The following PDE5A variants were observed in gnomAD, a reference collection of about 807,000 sequenced individuals.
PDE5A encodes cGMP-specific 3',5'-cyclic phosphodiesterase.
A neutral mutation model predicts 110.2 loss-of-function variants in PDE5A; 67 were observed. The ratio of observed to expected loss-of-function variants is 0.61; its 90% CI spans 0.50 to 0.75. The LOEUF (loss-of-function observed/expected upper bound fraction) is 0.75. Among genes scored for constraint, PDE5A ranks in the 30% least tolerant of loss-of-function variants. The pLI, the probability that PDE5A is intolerant of heterozygous loss-of-function variation, is 0.00. For synonymous variants in PDE5A, 328 were observed against 351.2 expected (o/e 0.93, Z 0.74); for missense variants, 862 against 1,045.1 (o/e 0.82, Z 2.42).
intron 15 of PDE5A, among the ~76,000 whole-genome samples, chr4:119,510,166 G>A (rs1560595954): frequency 6.6e-6 from 1 of 151,912 alleles, no homozygotes; most frequent in African/African-American, 2.4e-5. Context: ...CTGCTACCCA[G>A]GAGTACACAT....
At chr4:119,576,671 G>C (rs1728362801) in intron 3 of PDE5A, among the ~76,000 whole-genome samples, 1 of 152,022 alleles carries the variant, frequency 6.6e-6, no homozygotes, top group African/African-American at 2.4e-5. Flanking sequence ...CAGAATCTCT[G>C]GGACACATTC....
chr4:119,607,669 C>T (rs1156804050), intron 1 of PDE5A, among the ~76,000 whole-genome samples: 2 of 151,826 alleles, frequency 1.3e-5, no homozygotes, highest in Admixed American at 6.6e-5. Context: ...CCCAGGAGTT[C>T]GAGGCTGTAG....
intron 18 of PDE5A, among the ~76,000 whole-genome samples, chr4:119,503,009 A>G (rs188472631): frequency 2.0e-5 from 3 of 152,258 alleles, no homozygotes; most frequent in African/African-American, 7.2e-5. Flanking sequence ...TCCCTCTTCT[A>G]TTCTCTTACC....
intron 13 of PDE5A, among the ~76,000 whole-genome samples, chr4:119,520,565 G>A (rs1029993760): frequency 2.0e-5 from 3 of 152,072 alleles, no homozygotes; most frequent in Non-Finnish European, 4.4e-5. Context: ...TGGTTTTTGA[G>A]GAATTCTACT....
chr4:119,586,418 TAAC>T (rs1232194300), intron 3 of PDE5A, among the ~76,000 whole-genome samples: 4 of 152,292 alleles, frequency 2.6e-5, no homozygotes, highest in Admixed American at 2.6e-4. Context: ...GATAAGCATT[TAAC>T]AACAAGGAAT....
chr4:119,606,853 A>G lies in PDE5A; in HGVS notation c.597T>C (p.Phe199=), dbSNP rs201406102. 1.7e-5 allele frequency: 27 copies of G among 1,614,136 alleles called. No individual in the cohort carries two copies. Among genetic ancestry groups the G allele is most frequent in the Non-Finnish European group, 2.2e-5 (26 of 1,180,058 alleles). The change falls in exon 2 of 21, where the codon TTT becomes TTC. Residue 199 remains phenylalanine (F), a synonymous_variant. Coordinates refer to ENST00000354960, the MANE Select transcript of PDE5A (RefSeq NM_001083.4). ...LVCEDSSNDK[F]LISRLFDVAE... Reference sequence around the variant, plus strand: ...CAACATCAAAGAGGCGGCTGATAAGAAACTTGTCATTGGAGCTGTCTTCAC... The same window carrying G: ...CAACATCAAAGAGGCGGCTGATAAGGAACTTGTCATTGGAGCTGTCTTCAC...
chr4:119,530,839 C>T (rs1009535101), intron 11 of PDE5A, among the ~76,000 whole-genome samples: 4 of 151,942 alleles, frequency 2.6e-5, no homozygotes, highest in African/African-American at 7.2e-5. Flanking sequence ...TATACTATGG[C>T]GGAAACAACC....
chr4:119,596,497 T>C, intron 3 of PDE5A, 26 bp downstream of exon 3: 4 of 1,322,956 alleles, frequency 3.0e-6, no homozygotes, highest in East Asian at 2.4e-5. Context: ...TCCAATGACC[T>C]TTTATAAAAT....
chr4:119,542,786 T>C, intron 9 of PDE5A, 152 bp from the exon 10 acceptor site: 1 of 657,282 alleles, frequency 1.5e-6, no homozygotes, highest in African/African-American at 1.8e-5. Flanking sequence ...AAATATAAGC[T>C]AGAGAAGTAA....
At chr4:119,595,472 A>G (rs1379097078) in intron 3 of PDE5A, among the ~76,000 whole-genome samples, 1 of 152,182 alleles carries the variant, frequency 6.6e-6, no homozygotes, top group Admixed American at 6.5e-5. Context: ...TTGAATCAGT[A>G]GACTGAGTGA....
Position 119,498,443 on chromosome 4 carries a change from C to T in PDE5A, c.*158G>A. ...AAAATATGTAATAGTCCTCTAAAAA[C>T]ATTCATGCTATACTCTCAAAAGTTG... On this transcript the variant is annotated 3_prime_UTR_variant, in exon 21 of 21. Transcript: ENST00000354960. 1.4e-6 allele frequency: 1 copy of T among 698,548 alleles called. No homozygotes were observed. Among genetic ancestry groups the T allele is most frequent in the Non-Finnish European group, 2.3e-6 (1 of 427,836 alleles). 43.3% of individuals were successfully genotyped at this position (698,548 alleles called of 1,614,324 possible). A position where few individuals can be genotyped will look rare whatever the true frequency, so the allele number is the denominator to read the frequency against.
At chr4:119,574,246 G>A (rs946604018) in intron 3 of PDE5A, among the ~76,000 whole-genome samples, 6 of 131,302 alleles carry the variant, frequency 4.6e-5, no homozygotes, top group Non-Finnish European at 6.2e-5. Flanking sequence ...GTAATGATGC[G>A]CTCTCGGCTC....
chr4:119,531,410 C>G (rs1726535859), intron 11 of PDE5A, among the ~76,000 whole-genome samples: 1 of 152,124 alleles, frequency 6.6e-6, no homozygotes, highest in Admixed American at 6.5e-5. Context: ...TCCTGAGTAG[C>G]TGCGACTACA....
At chr4:119,561,804 A>G (rs992487305) in intron 6 of PDE5A, among the ~76,000 whole-genome samples, 4 of 152,198 alleles carry the variant, frequency 2.6e-5, no homozygotes, top group African/African-American at 7.2e-5. Context: ...ATTTTGTATT[A>G]AACAATGCAT....
intron 2 of PDE5A, among the ~76,000 whole-genome samples, chr4:119,602,929 G>C (rs913899706): frequency 3.9e-5 from 6 of 152,196 alleles, no homozygotes; most frequent in African/African-American, 1.4e-4. Context: ...TCCTGGAGTA[G>C]AAACAGGACA....
intron 1 of PDE5A, among the ~76,000 whole-genome samples, chr4:119,625,665 T>C (rs1317011582): frequency 6.6e-6 from 1 of 152,016 alleles, no homozygotes; most frequent in Non-Finnish European, 1.5e-5. Context: ...TCACATACAA[T>C]ATTCATTTTA....
At chr4:119,616,111 G>A (rs996575735) in intron 1 of PDE5A, among the ~76,000 whole-genome samples, 1 of 152,108 alleles carries the variant, frequency 6.6e-6, no homozygotes, top group African/African-American at 2.4e-5. Context: ...AGTGAATTTA[G>A]TTTTGCTTTT....
intron 3 of PDE5A, among the ~76,000 whole-genome samples, chr4:119,571,912 T>G (rs1276716344): frequency 6.6e-6 from 1 of 152,154 alleles, no homozygotes; most frequent in Non-Finnish European, 1.5e-5. Context: ...CATACACAGA[T>G]CATCTCATTT....
chr4:119,529,936 T>C (rs1326843983), intron 11 of PDE5A, among the ~76,000 whole-genome samples: 4 of 152,218 alleles, frequency 2.6e-5, no homozygotes, highest in East Asian at 1.9e-4. Flanking sequence ...ATCTGGGAAC[T>C]TGTTAAAAAT....
Sources: allele counts gnomAD v4.1 joint callset (sites outside exome capture counted in the v4.1 genomes callset), GRCh38; gene constraint gnomAD v4.1.1; transcripts MANE v1.5; gene names NCBI Gene and HGNC (gene_info 2026-07-23, HGNC 2026-07-21).